KCNIP4: variants seen among roughly 807,000 people sequenced by gnomAD.
KCNIP4 encodes the protein potassium voltage-gated channel interacting protein 4.
Under a neutral mutation model 34.0 loss-of-function variants are expected in KCNIP4, and 12 were observed. The observed-to-expected ratio is 0.35, with a 90% CI of 0.23 to 0.57. The LOEUF is 0.57. Ranked by LOEUF, KCNIP4 falls within the 20% of genes least tolerant of loss-of-function variation. The pLI is 0.83. For missense variants in KCNIP4, 238 were observed against 311.7 expected (o/e 0.76, Z 1.78); for synonymous variants, 124 against 102.2 (o/e 1.21, Z -1.29).
chr4:21,065,525 G>A (rs1181174992), intron 1 of KCNIP4, among the ~76,000 whole-genome samples: 4 of 151,546 alleles, frequency 2.6e-5, no homozygotes, highest in Admixed American at 6.6e-5. Context: ...ACTATTAATC[G>A]ATTATTATAA....
chr4:21,192,249 C>T (rs1329925884), intron 1 of KCNIP4, among the ~76,000 whole-genome samples: 2 of 152,150 alleles, frequency 1.3e-5, no homozygotes, highest in African/African-American at 2.4e-5. Flanking sequence ...AATTTTAGGG[C>T]ACATTATCAG....
intron 3 of KCNIP4, among the ~76,000 whole-genome samples, chr4:20,769,170 G>A (rs1236893671): frequency 5.9e-5 from 9 of 151,780 alleles, no homozygotes; most frequent in Non-Finnish European, 1.2e-4. Context: ...AAAAATGCAG[G>A]AAACAATAGC....
chr4:21,301,059 A>C (rs2109241212), intron 1 of KCNIP4, among the ~76,000 whole-genome samples: 1 of 152,282 alleles, frequency 6.6e-6, no homozygotes, highest in South Asian at 2.1e-4. Context: ...CTTGGGTTAT[A>C]AACATATGAC....
At chr4:21,314,454 G>A (rs1713517614) in intron 1 of KCNIP4, among the ~76,000 whole-genome samples, 1 of 152,212 alleles carries the variant, frequency 6.6e-6, no homozygotes, top group Non-Finnish European at 1.5e-5. Context: ...TTTTAGGTGT[G>A]CAATCGTGAG....
chr4:21,288,535 C>A (rs1763252916), intron 1 of KCNIP4, among the ~76,000 whole-genome samples: 1 of 152,136 alleles, frequency 6.6e-6, no homozygotes, highest in South Asian at 2.1e-4. Flanking sequence ...ACTGCAGGTG[C>A]TTTATATATT....
At chr4:21,324,897 A>G (rs1045443325) in intron 1 of KCNIP4, among the ~76,000 whole-genome samples, 2 of 151,880 alleles carry the variant, frequency 1.3e-5, no homozygotes, top group Non-Finnish European at 2.9e-5. Context: ...TGAACATGGA[A>G]TATATTTCCA....
At chr4:20,989,749 G>A (rs377665791) in intron 1 of KCNIP4, among the ~76,000 whole-genome samples, 73 of 151,994 alleles carry the variant, frequency 4.8e-4, no homozygotes, top group African/African-American at 1.6e-3. Flanking sequence ...TGGGTAGATC[G>A]CTTGAGTTCA....
At chr4:21,767,644 A>C (rs73102038) in intron 1 of KCNIP4, among the ~76,000 whole-genome samples, 22,550 of 152,132 alleles carry the variant, frequency 0.15, 5,627 homozygotes, top group African/African-American at 0.51. Context: ...GTAATGAAAG[A>C]AAACTTACAA....
chr4:21,103,422 A>C (rs910032554), intron 1 of KCNIP4, among the ~76,000 whole-genome samples: 7 of 147,622 alleles, frequency 4.7e-5, no homozygotes, highest in Admixed American at 1.4e-4. Flanking sequence ...CTGGTTGCTG[A>C]CTTTATCATT....
At chr4:20,834,658 G>A (rs1257978945) in intron 3 of KCNIP4, among the ~76,000 whole-genome samples, 2 of 149,956 alleles carry the variant, frequency 1.3e-5, no homozygotes, top group East Asian at 1.9e-4. Flanking sequence ...TGGAGGAGAT[G>A]GTTGTTAGCA....
At chr4:21,238,145 T>A (rs564973632) in intron 1 of KCNIP4, among the ~76,000 whole-genome samples, 3 of 152,126 alleles carry the variant, frequency 2.0e-5, no homozygotes, top group Admixed American at 6.6e-5. Context: ...ATTACCTCAA[T>A]AGATGCAGAA....
At position 21,483,551 on chromosome 4, in the gene KCNIP4, A is replaced by T. The variant is rs184858955; in HGVS notation, c.61+465020T>A. Among the ~76,000 whole-genome samples the T allele has an allele frequency of 4.1e-4, 62 of 152,162 alleles. No individual in the cohort carries two copies. The East Asian group carries it at 4.9e-3, about 12-fold the overall frequency. On this transcript the variant is annotated intron_variant, in intron 1 of 8. Transcript: ENST00000382152. ...ACGCCTGTAATCCCAGCACTTTGGG[A>T]GGCTGAAGCAAGCAGATCATGAGGT...
At position 21,256,123 on chromosome 4, in the gene KCNIP4, C is replaced by A. The variant is rs1447666335; in HGVS notation, c.62-373414G>T. On this transcript the variant is annotated intron_variant, in intron 1 of 8. Coordinates refer to ENST00000382152, the MANE Select transcript of KCNIP4 (RefSeq NM_025221.6). ...GATGTGCTAGAAGTGGGGTAAGAAA[C>A]TACTTCTATGTGGAAATGACGTTAG... is the stretch of plus-strand genomic sequence containing the variant. 3.9e-5 allele frequency among the ~76,000 whole-genome samples: 6 copies of A among 152,010 alleles called. No individual in the cohort carries two copies. The East Asian group carries it at 1.2e-3, about 29-fold the overall frequency.
intron 3 of KCNIP4, among the ~76,000 whole-genome samples, chr4:20,815,108 T>C (rs1284632579): frequency 6.6e-6 from 1 of 152,180 alleles, no homozygotes; most frequent in Non-Finnish European, 1.5e-5. Flanking sequence ...ACTTAATCAT[T>C]ATTATTGTAA....
intron 1 of KCNIP4, among the ~76,000 whole-genome samples, chr4:21,823,853 C>T (rs1722516399): frequency 6.6e-6 from 1 of 152,154 alleles, no homozygotes; most frequent in African/African-American, 2.4e-5. Context: ...CGATTTTTCC[C>T]ATTCCTGTAT....
chr4:21,173,938 T>C (rs1163262689), intron 1 of KCNIP4, among the ~76,000 whole-genome samples: 2 of 152,182 alleles, frequency 1.3e-5, no homozygotes, highest in Admixed American at 1.3e-4. Flanking sequence ...GCCTTTCTTA[T>C]CTCTGCACAC....
chr4:21,669,801 A>G (rs968588771), intron 1 of KCNIP4, among the ~76,000 whole-genome samples: 3 of 152,186 alleles, frequency 2.0e-5, no homozygotes, highest in African/African-American at 7.2e-5. Flanking sequence ...CGAGCTTTTC[A>G]TGAACATAAA....
chr4:21,787,704 A>G (rs898087528), intron 1 of KCNIP4, among the ~76,000 whole-genome samples: 1 of 152,184 alleles, frequency 6.6e-6, no homozygotes, highest in Non-Finnish European at 1.5e-5. Context: ...CGTTTCACAC[A>G]CAGCTGAAAC....
intron 3 of KCNIP4, among the ~76,000 whole-genome samples, chr4:20,818,433 C>G (rs1039367662): frequency 2.6e-5 from 4 of 152,142 alleles, no homozygotes; most frequent in Non-Finnish European, 5.9e-5. Context: ...AAAAGCAGCC[C>G]TTTTCAGAAG....
Sources: gnomAD v4.1 joint callset for allele counts (sites outside exome capture counted in the v4.1 genomes callset) on GRCh38, gnomAD v4.1.1 for gene constraint, MANE v1.5 for transcripts, NCBI Gene and HGNC (gene_info 2026-07-23, HGNC 2026-07-21) for gene names.